ADGRV1: variants seen among roughly 807,000 people sequenced by gnomAD.
ADGRV1 encodes the protein G-protein coupled receptor 98.
In ADGRV1, 359 loss-of-function variants were observed where a neutral mutation model predicts 596.2. The ratio of observed to expected loss-of-function variants is 0.60; its 90% confidence interval spans 0.55 to 0.66. The LOEUF (loss-of-function observed/expected upper bound fraction) is 0.66. Among genes scored for constraint, ADGRV1 ranks in the 30% least tolerant of loss-of-function variants. The pLI is 0.00. For synonymous variants in ADGRV1, 2,681 were observed against 2,679.2 expected, an observed-to-expected ratio of 1.00 and a Z score of -0.02; for missense variants, 7,274 against 7,575.6, an observed-to-expected ratio of 0.96 and a Z score of 1.48.
At chr5:90,639,630 AG>A (rs1766715689) in intron 11 of ADGRV1, among the ~76,000 whole-genome samples, 1 of 152,192 alleles carries the variant, frequency 6.6e-6, no homozygotes, top group East Asian at 1.9e-4. Flanking sequence ...CTTTTCAAAT[AG>A]AGGAAATTAG....
chr5:90,676,008 T>C, intron 24 of ADGRV1, 72 bp from the exon 25 acceptor site: 1 of 1,215,058 alleles, frequency 8.2e-7, no homozygotes, highest in Non-Finnish European at 1.1e-6. Context: ...TACAAATTTG[T>C]GTACAGAATG....
At chr5:90,630,508 C>G (rs1765366018) in intron 9 of ADGRV1, 1 of 151,970 alleles carries the variant, frequency 6.6e-6, no homozygotes, top group African/African-American at 2.4e-5. Flanking sequence ...TTGTTGTTTT[C>G]CATGTGTTGA....
intron 85 of ADGRV1, among the ~76,000 whole-genome samples, chr5:91,019,993 T>G (rs1783502682): frequency 6.6e-6 from 1 of 152,050 alleles, no homozygotes; most frequent in Non-Finnish European, 1.5e-5. Flanking sequence ...TAATTGGGCC[T>G]GTCAAAGCCT....
chr5:90,633,505 CA>C (rs1405563391), intron 9 of ADGRV1, among the ~76,000 whole-genome samples: 1 of 151,944 alleles, frequency 6.6e-6, no homozygotes, highest in Non-Finnish European at 1.5e-5. Context: ...CATACATGAC[CA>C]GTGTATTTTA....
At chr5:90,567,652 A>G (rs536182673) in intron 1 of ADGRV1, among the ~76,000 whole-genome samples, 1 of 151,716 alleles carries the variant, frequency 6.6e-6, no homozygotes, top group South Asian at 2.1e-4. Context: ...GTTGGTAGCA[A>G]TGACCCCTTT....
intron 63 of ADGRV1, 121 bp downstream of exon 63, chr5:90,778,730 A>T (rs1384718566): frequency 8.7e-6 from 9 of 1,039,828 alleles, no homozygotes; most frequent in Non-Finnish European, 1.1e-5. Flanking sequence ...TCATTATTTT[A>T]ACATATAATC....
At chr5:91,068,284 A>T (rs6882081) in intron 85 of ADGRV1, among the ~76,000 whole-genome samples, 2 of 151,096 alleles carry the variant, frequency 1.3e-5, no homozygotes, top group Non-Finnish European at 2.9e-5. Flanking sequence ...GTGAAACCCC[A>T]TCTCTACTTA....
At chr5:91,139,141 C>T (rs960676146) in intron 87 of ADGRV1, among the ~76,000 whole-genome samples, 3 of 152,180 alleles carry the variant, frequency 2.0e-5, no homozygotes, top group East Asian at 1.9e-4. Context: ...AAGCATAGCA[C>T]GAGAAGTTGC....
At chr5:91,002,960 A>G (rs1002012274) in intron 85 of ADGRV1, among the ~76,000 whole-genome samples, 1 of 152,154 alleles carries the variant, frequency 6.6e-6, no homozygotes, top group African/African-American at 2.4e-5. Context: ...TTAAAAACCA[A>G]TGAAATATAT....
chr5:90,600,030 T>C (rs1580407587), intron 1 of ADGRV1, among the ~76,000 whole-genome samples: 1 of 152,330 alleles, frequency 6.6e-6, no homozygotes, highest in Non-Finnish European at 1.5e-5. Context: ...GTTTGGTAAA[T>C]GGCTCCTGGT....
At chr5:90,889,468 C>G (rs1017698243) in intron 83 of ADGRV1, among the ~76,000 whole-genome samples, 1 of 151,986 alleles carries the variant, frequency 6.6e-6, no homozygotes, top group Non-Finnish European at 1.5e-5. Context: ...GTTTTCACTA[C>G]TAGAATATCC....
chr5:90,811,119 T>C lies in ADGRV1; in HGVS notation c.15859T>C (p.Trp5287Arg), dbSNP rs761984180. ...RGIYGISNLT[W>R]AVEEEDFEEQ... is the part of the protein sequence containing the mutation. Reference sequence around the variant, plus strand: ...TATCTATGGGATTTCCAACCTAACATGGGCAGTTGAAGAAGAAGACTTTGA... The same window carrying C: ...TATCTATGGGATTTCCAACCTAACACGGGCAGTTGAAGAAGAAGACTTTGA... Residue 5287 changes from tryptophan (W) to arginine (R), a missense_variant, in exon 74 of 90, where the codon TGG becomes CGG. This residue lies in a region of ADGRV1 where 1,874 missense variants were observed against 1,970.2 expected (regional missense o/e 0.95). Coordinates refer to ENST00000405460, the MANE Select transcript of ADGRV1 (RefSeq NM_032119.4). 2.5e-6 allele frequency: 4 copies of C among 1,613,810 alleles called. No homozygotes were observed. Among genetic ancestry groups the C allele is most frequent in the South Asian group, 1.1e-5 (1 of 91,072 alleles).
chr5:90,744,252 G>A (rs1046684347), intron 50 of ADGRV1, among the ~76,000 whole-genome samples: 6 of 152,148 alleles, frequency 3.9e-5, no homozygotes, highest in Admixed American at 3.9e-4. Flanking sequence ...AAAGTGCTAG[G>A]ATTACAGATG....
intron 85 of ADGRV1, among the ~76,000 whole-genome samples, chr5:91,054,125 G>GAGAC (rs1786618884): frequency 1.3e-5 from 2 of 151,284 alleles, no homozygotes; most frequent in Non-Finnish European, 2.9e-5. Flanking sequence ...GAGAGAGAGA[G>GAGAC]AGAGAGAGAC....
chr5:90,970,718 C>T (rs1231290609), intron 84 of ADGRV1, among the ~76,000 whole-genome samples: 5 of 152,078 alleles, frequency 3.3e-5, no homozygotes, highest in Admixed American at 2.6e-4. Flanking sequence ...TCACCATCAT[C>T]AAAGACCAAA....
At chr5:91,028,072 T>C (rs1278523487) in intron 85 of ADGRV1, among the ~76,000 whole-genome samples, 1 of 151,562 alleles carries the variant, frequency 6.6e-6, no homozygotes, top group Non-Finnish European at 1.5e-5. Context: ...AATCAATGAA[T>C]GGCTGAACTT....
At chr5:90,705,752 CTG>C (rs1488525357) in intron 37 of ADGRV1, among the ~76,000 whole-genome samples, 173 bp downstream of exon 37, 1 of 152,158 alleles carries the variant, frequency 6.6e-6, no homozygotes, top group East Asian at 1.9e-4. Flanking sequence ...AAGGAATTAT[CTG>C]TTTTCACAGA....
chr5:91,119,156 A>AT (rs1245135897), intron 87 of ADGRV1, among the ~76,000 whole-genome samples: 7 of 149,944 alleles, frequency 4.7e-5, no homozygotes, highest in South Asian at 2.1e-4. Flanking sequence ...TCATCAGGGA[A>AT]TTTTTTTTAT....
intron 85 of ADGRV1, among the ~76,000 whole-genome samples, chr5:91,005,810 G>A (rs1047264101): frequency 1.3e-5 from 2 of 152,076 alleles, no homozygotes; most frequent in African/African-American, 4.8e-5. Context: ...AAAGTCTATT[G>A]CAATAGCCTC....
Sources: allele counts gnomAD v4.1 joint callset (sites outside exome capture counted in the v4.1 genomes callset), GRCh38; gene constraint gnomAD v4.1.1; regional missense constraint gnomAD v4.1.1; transcripts MANE v1.5; gene names NCBI Gene and HGNC (gene_info 2026-07-23, HGNC 2026-07-21).